Variants in FOXP1 observed in about 807,000 individuals in gnomAD.
The protein encoded by FOXP1 is forkhead box P1.
In FOXP1, 15 loss-of-function variants were observed where a neutral mutation model predicts 98.2. That is an observed-to-expected ratio of 0.15 (90% CI 0.10 to 0.24). The LOEUF is 0.24. Among genes scored for constraint, FOXP1 ranks in the 10% least tolerant of loss-of-function variants. FOXP1 has a pLI of 1.00. For synonymous variants in FOXP1, 371 were observed against 314.5 expected, an observed-to-expected ratio of 1.18 and a Z score of -1.90; for missense variants, 633 against 848.5, an observed-to-expected ratio of 0.75 and a Z score of 3.15.
At chr3:71,322,388 T>C (rs1576964871) in intron 4 of FOXP1, among the ~76,000 whole-genome samples, 1 of 152,170 alleles carries the variant, frequency 6.6e-6, no homozygotes, top group Non-Finnish European at 1.5e-5. Flanking sequence ...TAGTGGATAG[T>C]GTAGATATAG....
chr3:71,496,223 G>A (rs1304212894), intron 2 of FOXP1, among the ~76,000 whole-genome samples: 1 of 152,198 alleles, frequency 6.6e-6, no homozygotes, highest in Non-Finnish European at 1.5e-5. Context: ...TGATTCCAGA[G>A]TGATTCAGAA....
intron 3 of FOXP1, among the ~76,000 whole-genome samples, chr3:71,398,775 T>C (rs1450376286): frequency 1.3e-5 from 2 of 152,238 alleles, no homozygotes; most frequent in African/African-American, 4.8e-5. Flanking sequence ...TCATGCATTA[T>C]GGTGGTGACA....
intron 6 of FOXP1, among the ~76,000 whole-genome samples, chr3:71,113,659 G>C (rs2058116458): frequency 6.7e-6 from 1 of 149,764 alleles, no homozygotes; most frequent in African/African-American, 2.5e-5. Flanking sequence ...GTTAGGGTAA[G>C]TCGAGATCGC....
At chr3:71,347,886 CAA>C (rs11286158) in intron 4 of FOXP1, among the ~76,000 whole-genome samples, 158 of 144,672 alleles carry the variant, frequency 1.1e-3, no homozygotes, top group African/African-American at 3.7e-3. Context: ...CTCTGTCTCA[CAA>C]AAAAAAAAAA....
At chr3:71,035,601 A>G (rs1455410951) in intron 11 of FOXP1, among the ~76,000 whole-genome samples, 1 of 152,222 alleles carries the variant, frequency 6.6e-6, no homozygotes, top group Non-Finnish European at 1.5e-5. Context: ...GATTGTTTAA[A>G]TGCCTTGACT....
intron 3 of FOXP1, among the ~76,000 whole-genome samples, chr3:71,379,173 A>G (rs1463725112): frequency 1.3e-5 from 2 of 152,034 alleles, no homozygotes; most frequent in Non-Finnish European, 2.9e-5. Flanking sequence ...ATTTGTATCT[A>G]TATTTTCATG....
At chr3:71,491,243 T>C (rs1257019084) in intron 3 of FOXP1, among the ~76,000 whole-genome samples, 1 of 152,196 alleles carries the variant, frequency 6.6e-6, no homozygotes, top group Non-Finnish European at 1.5e-5. Flanking sequence ...CTTGAACTCC[T>C]GACCTTAGGT....
intron 5 of FOXP1, among the ~76,000 whole-genome samples, chr3:71,269,099 T>G (rs1229420155): frequency 2.5e-5 from 2 of 79,154 alleles, no homozygotes; most frequent in African/African-American, 3.9e-5. Flanking sequence ...GTTTTTTTTG[T>G]TTTTTTTTTT....
At chr3:71,203,934 G>A (rs970322722) in intron 5 of FOXP1, among the ~76,000 whole-genome samples, 1 of 123,798 alleles carries the variant, frequency 8.1e-6, no homozygotes, top group South Asian at 2.8e-4. Context: ...CATGGAAAAG[G>A]AAGGAGGAAG....
intron 3 of FOXP1, among the ~76,000 whole-genome samples, chr3:71,464,410 G>A (rs922205254): frequency 2.0e-5 from 3 of 152,270 alleles, no homozygotes; most frequent in African/African-American, 7.2e-5. Flanking sequence ...CTCCAAAGAG[G>A]GCCCCAGAGA....
chr3:71,481,870 G>A (rs1234164135), intron 3 of FOXP1, among the ~76,000 whole-genome samples: 1 of 151,924 alleles, frequency 6.6e-6, no homozygotes, highest in Non-Finnish European at 1.5e-5. Flanking sequence ...TTTCTCACTC[G>A]ATGCTATTTT....
chr3:71,485,417 T>C (rs1329951533), intron 3 of FOXP1, among the ~76,000 whole-genome samples: 1 of 152,208 alleles, frequency 6.6e-6, no homozygotes, highest in African/African-American at 2.4e-5. Flanking sequence ...GACATGTCAT[T>C]TCACTCTTAG....
intron 3 of FOXP1, among the ~76,000 whole-genome samples, chr3:71,462,412 C>T (rs1374894860): frequency 6.6e-6 from 1 of 152,146 alleles, no homozygotes; most frequent in Non-Finnish European, 1.5e-5. Flanking sequence ...CAAACAACAC[C>T]TTCCACCTGC....
At chr3:71,222,394 C>T (rs934065053) in intron 5 of FOXP1, among the ~76,000 whole-genome samples, 1 of 152,074 alleles carries the variant, frequency 6.6e-6, no homozygotes, top group African/African-American at 2.4e-5. Flanking sequence ...GATTCAAAAA[C>T]CCTTCACTCC....
intron 6 of FOXP1, among the ~76,000 whole-genome samples, chr3:71,180,764 A>C (rs1484607378): frequency 6.6e-6 from 1 of 152,308 alleles, no homozygotes; most frequent in South Asian, 2.1e-4. Flanking sequence ...AATGCCAGTA[A>C]AAGTTGTGTT....
chr3:71,511,216 C>G (rs1340566113), intron 2 of FOXP1, among the ~76,000 whole-genome samples: 2 of 152,106 alleles, frequency 1.3e-5, no homozygotes, highest in Non-Finnish European at 2.9e-5. Context: ...GTTTATGTCC[C>G]CTGCAGAGCC....
chr3:71,041,227 C>T (rs2048295070), intron 11 of FOXP1, 101 bp downstream of exon 11: 1 of 915,854 alleles, frequency 1.1e-6, no homozygotes, highest in Non-Finnish European at 1.8e-6. Context: ...ATTCAAGTCA[C>T]ATGGATCCAA....
intron 4 of FOXP1, among the ~76,000 whole-genome samples, chr3:71,342,535 A>C (rs2077071829): frequency 6.6e-6 from 1 of 152,132 alleles, no homozygotes. Context: ...TCTACTAAAA[A>C]TACAAAAATT....
At chr3:71,564,080 A>G (rs538868579) in intron 2 of FOXP1, among the ~76,000 whole-genome samples, 12 of 152,362 alleles carry the variant, frequency 7.9e-5, no homozygotes, top group Admixed American at 5.2e-4. Context: ...TTTCAGAAGC[A>G]AATAAAAAAC....
Sources: gnomAD v4.1 joint callset for allele counts (sites outside exome capture counted in the v4.1 genomes callset) on GRCh38, gnomAD v4.1.1 for gene constraint, MANE v1.5 for transcripts, NCBI Gene and HGNC (gene_info 2026-07-23, HGNC 2026-07-21) for gene names.